The following SFSWAP variants were observed in gnomAD, a reference collection of about 807,000 sequenced individuals.
The protein encoded by SFSWAP is splicing factor, suppressor of white-apricot homolog.
Under a neutral mutation model 100.7 loss-of-function variants are expected in SFSWAP, and 17 were observed. The ratio of observed to expected loss-of-function variants is 0.17; its 90% CI spans 0.12 to 0.25. SFSWAP has a LOEUF of 0.25. Ranked by LOEUF, SFSWAP falls within the 10% of genes least tolerant of loss-of-function variation. The probability of loss-of-function intolerance (pLI) is 1.00; values close to 1 mark genes in which losing one functional copy is unlikely to be tolerated. For synonymous variants in SFSWAP, 504 were observed against 510.1 expected (o/e 0.99, Z 0.16); for missense variants, 1,005 against 1,262.6 (o/e 0.80, Z 3.09).
chr12:131,796,014 GGGAGA>G (rs1252126356), intron 15 of SFSWAP: 1 of 24,938 alleles, frequency 4.0e-5, no homozygotes, highest in Non-Finnish European at 9.1e-5. Context: ...GGGAGGGGAG[GGGAGA>G]GGGGGAGGGG....
chr12:131,747,366 G>A (rs1396786773), intron 7 of SFSWAP, among the ~76,000 whole-genome samples: 2 of 152,212 alleles, frequency 1.3e-5, no homozygotes, highest in African/African-American at 2.4e-5. Flanking sequence ...GGACAGGGAG[G>A]CCTCCTGTGA....
At chr12:131,759,901 A>C (rs1285248971) in intron 11 of SFSWAP, among the ~76,000 whole-genome samples, 4 of 152,232 alleles carry the variant, frequency 2.6e-5, no homozygotes, top group Admixed American at 2.0e-4. Flanking sequence ...ACCTTCTAGT[A>C]TAGTTTACAT....
chr12:131,770,326 G>T (rs928193190), intron 13 of SFSWAP, among the ~76,000 whole-genome samples: 6 of 152,346 alleles, frequency 3.9e-5, no homozygotes, highest in South Asian at 2.1e-4. Flanking sequence ...CTGAGGGCAC[G>T]TCGGCACCAG....
chr12:131,749,579 C>T (rs1411999529), intron 7 of SFSWAP, among the ~76,000 whole-genome samples: 1 of 152,156 alleles, frequency 6.6e-6, no homozygotes, highest in African/African-American at 2.4e-5. Context: ...GGCTTCAGTC[C>T]AGTTAAAGGG....
chr12:131,781,234 A>ATTTTTTTTT (rs66608201), intron 14 of SFSWAP, among the ~76,000 whole-genome samples: 1 of 102,302 alleles, frequency 9.8e-6, no homozygotes, highest in African/African-American at 3.5e-5. Flanking sequence ...ATATCTTATT[A>ATTTTTTTTT]TTTTTTTTTT....
chr12:131,739,598 T>C lies in SFSWAP; in HGVS notation c.1081+11170T>C, dbSNP rs571934856. Among the ~76,000 whole-genome samples, 602 of 132,274 alleles carry C rather than the reference T, an allele frequency of 4.6e-3. 1 individual carries two copies. The highest frequency in any genetic ancestry group is 6.5e-3 in the Non-Finnish European group (427 of 65,302). The allele number at this position is 132,274 out of a possible 152,430, so 86.8% of individuals were successfully genotyped here. A position where few individuals can be genotyped will look rare whatever the true frequency, so the allele number is the denominator to read the frequency against. ...TCTTGCTCTGTCTCCCAGGCTGGAG[T>C]GCAGTGGCGCAATCTCGGCTCACTG... On this transcript the variant is annotated intron_variant, in intron 7 of 17. Transcript: ENST00000261674.
Position 131,714,504 on chromosome 12 carries a change from TA to T in SFSWAP, c.388+266del. The T allele has an allele frequency of 2.0e-6, 1 of 489,284 alleles. No individual in the cohort carries two copies. Among genetic ancestry groups the T allele is most frequent in the Non-Finnish European group, 3.6e-6 (1 of 275,576 alleles). The allele number at this position is 489,284 out of a possible 1,614,324, so 30.3% of individuals were successfully genotyped here. A position where few individuals can be genotyped will look rare whatever the true frequency, so the allele number is the denominator to read the frequency against. The stretch of plus-strand genomic sequence containing the variant: ...ACCAAACTCTTTAACTGTTCTTCTT[TA>T]ACAGTATCGTATAAATAAAATTGAT... On this transcript the variant is annotated intron_variant, in intron 2 of 17. Coordinates refer to ENST00000261674, the MANE Select transcript of SFSWAP (RefSeq NM_004592.4). This position sits in a 1 kb window ranked among gnomAD's most constrained non-coding sequence, Gnocchi z 6.0.
intron 4 of SFSWAP, among the ~76,000 whole-genome samples, chr12:131,722,089 A>G (rs1170810258): frequency 6.6e-6 from 1 of 152,202 alleles, no homozygotes; most frequent in Non-Finnish European, 1.5e-5. Flanking sequence ...TAAGTAGACT[A>G]TTGCTGCTTA....
At chr12:131,761,199 T>C (rs1882650947) in intron 11 of SFSWAP, among the ~76,000 whole-genome samples, 1 of 152,248 alleles carries the variant, frequency 6.6e-6, no homozygotes, top group Non-Finnish European at 1.5e-5. Flanking sequence ...GAATTGCAAT[T>C]GATCTATTTG....
chr12:131,718,524 G>A (rs967390532), intron 3 of SFSWAP, among the ~76,000 whole-genome samples: 4 of 152,204 alleles, frequency 2.6e-5, no homozygotes, highest in African/African-American at 7.2e-5. Context: ...CTACCACATA[G>A]TAGACAAGTA....
intron 15 of SFSWAP, among the ~76,000 whole-genome samples, chr12:131,792,859 C>G (rs946700841): frequency 5.9e-5 from 9 of 152,192 alleles, no homozygotes; most frequent in Admixed American, 5.9e-4. Flanking sequence ...AACTCCAAAG[C>G]GTGTGTGGAA....
intron 11 of SFSWAP, among the ~76,000 whole-genome samples, chr12:131,762,527 T>G (rs1364400762): frequency 6.6e-6 from 1 of 152,230 alleles, no homozygotes; most frequent in Non-Finnish European, 1.5e-5. Flanking sequence ...GGGAGATGGT[T>G]TGGAAATAAT....
At chr12:131,759,683 C>G (rs367800225) in intron 11 of SFSWAP, among the ~76,000 whole-genome samples, 4 of 151,892 alleles carry the variant, frequency 2.6e-5, no homozygotes, top group East Asian at 1.9e-4. Flanking sequence ...CGCCTGTAGT[C>G]CCAGCTACTC....
rs754251668 is a variant in SFSWAP, at chr12:131,799,018, C to G, written c.2718-19C>G. The G allele has an allele frequency of 1.4e-5, 22 of 1,580,672 alleles. No homozygotes were observed. Among genetic ancestry groups the G allele is most frequent in the African/African-American group, 1.1e-4 (8 of 74,162 alleles). On this transcript the variant is annotated intron_variant, in intron 16 of 17. Coordinates refer to ENST00000261674, the MANE Select transcript of SFSWAP (RefSeq NM_004592.4). The stretch of plus-strand genomic sequence containing the variant: ...TCTTCACACGGTTGTAAGCTCTGCT[C>G]TCTCTCTCTCTGCATTAGGGGAGTC...
chr12:131,763,756 T>C (rs567841666), intron 11 of SFSWAP, among the ~76,000 whole-genome samples: 29 of 152,180 alleles, frequency 1.9e-4, no homozygotes, highest in Non-Finnish European at 3.4e-4. Flanking sequence ...GAGACCTGTT[T>C]ATAGTGGAGT....
chr12:131,775,081 A>G (rs1478689518), intron 13 of SFSWAP, among the ~76,000 whole-genome samples: 1 of 152,198 alleles, frequency 6.6e-6, no homozygotes, highest in Admixed American at 6.5e-5. Context: ...GACGTTTGCC[A>G]GGGACCATGT....
At chr12:131,723,695 C>G (rs373520306) in intron 4 of SFSWAP, among the ~76,000 whole-genome samples, 2 of 152,178 alleles carry the variant, frequency 1.3e-5, no homozygotes, top group East Asian at 3.8e-4. Flanking sequence ...CAAGCCTTTT[C>G]CAAAGCTCTT....
At chr12:131,759,050 G>A (rs1882425393) in intron 11 of SFSWAP, among the ~76,000 whole-genome samples, 1 of 152,204 alleles carries the variant, frequency 6.6e-6, no homozygotes, top group Admixed American at 6.5e-5. Context: ...CCACGCCACT[G>A]TGTTCCAGCC....
chr12:131,744,605 CT>C (rs1880948401), intron 7 of SFSWAP, among the ~76,000 whole-genome samples: 1 of 152,214 alleles, frequency 6.6e-6, no homozygotes, highest in Non-Finnish European at 1.5e-5. Context: ...CCTAATTTTC[CT>C]GTCTTCTTTT....
Sources: allele counts gnomAD v4.1 joint callset (sites outside exome capture counted in the v4.1 genomes callset), GRCh38; gene constraint gnomAD v4.1.1; non-coding constraint Gnocchi (gnomAD v3.1); transcripts MANE v1.5; gene names NCBI Gene and HGNC (gene_info 2026-07-23, HGNC 2026-07-21).